The following RTN3 variants were observed in gnomAD, a reference collection of about 807,000 sequenced individuals.
The protein encoded by RTN3 is reticulon-3.
In RTN3, 49 loss-of-function variants were observed where a neutral mutation model predicts 77.8. That is an observed-to-expected ratio of 0.63 (90% confidence interval 0.50 to 0.80). The LOEUF (loss-of-function observed/expected upper bound fraction) is 0.80, where lower values mean the gene tolerates loss of function less well. Ranked by LOEUF, RTN3 falls within the 30% of genes least tolerant of loss-of-function variation. The pLI is 0.00. For missense variants in RTN3, 1,236 were observed against 1,211.9 expected (o/e 1.02, Z -0.29); for synonymous variants, 464 against 446.9 (o/e 1.04, Z -0.48).
chr11:63,720,491 T>G lies in RTN3; in HGVS notation c.1989T>G (p.Asp663Glu). Reference sequence around the variant, plus strand: ...TAGCAGCCTTTACAGAAACCAGAGATAAAGGAATAGTAGATAGTGAAAGAA... The same window carrying G: ...TAGCAGCCTTTACAGAAACCAGAGAGAAAGGAATAGTAGATAGTGAAAGAA... ...DLIAAFTETR[D>E]KGIVDSERNA... Residue 663 changes from aspartate to glutamate, a missense_variant, in exon 3 of 9, where the codon GAT (aspartate) becomes GAG (glutamate). Asp to Glu is a conservative substitution (Grantham distance 45). Around this residue, in one of 3 missense-constraint regions of RTN3, gnomAD observed 1,056 missense variants for 990.4 expected, o/e 1.07. Transcript: ENST00000377819. 6.2e-7 allele frequency: 1 copy of G among 1,613,346 alleles called. No homozygotes were observed. The highest frequency in any genetic ancestry group is 2.2e-5 in the East Asian group (1 of 44,862).
chr11:63,709,106 G>A (rs931645857), intron 2 of RTN3, among the ~76,000 whole-genome samples: 1 of 152,172 alleles, frequency 6.6e-6, no homozygotes, highest in African/African-American at 2.4e-5. Context: ...TGCCAAAGCC[G>A]TGGTCATAAC....
At chr11:63,707,939 G>A (rs1157068746) in intron 2 of RTN3, among the ~76,000 whole-genome samples, 4 of 152,200 alleles carry the variant, frequency 2.6e-5, no homozygotes, top group African/African-American at 7.2e-5. Flanking sequence ...ACACATGATG[G>A]AAAAGTAGCC....
At chr11:63,699,317 AAAG>A (rs955284457) in intron 1 of RTN3, among the ~76,000 whole-genome samples, 1 of 152,052 alleles carries the variant, frequency 6.6e-6, no homozygotes, top group African/African-American at 2.4e-5. Context: ...AAAAAAAAAA[AAAG>A]AATTCCTTCT....
Position 63,750,157 on chromosome 11 carries a change from C to T in RTN3, c.2697C>T (p.Val899=), listed in dbSNP as rs1054753878. The change falls in exon 4 of 9, where the codon GTC becomes GTT. Residue 899 remains valine (V), a synonymous_variant. Transcript: ENST00000377819. ...VTISFRIYKS[V]IQAVQKSEEG... ...TCAGCTTCAGGATCTACAAGTCCGTCATCCAAGCTGTACAGAAGTCAGAAG... is the reference window on the plus strand; with the variant it reads ...TCAGCTTCAGGATCTACAAGTCCGTTATCCAAGCTGTACAGAAGTCAGAAG... The T allele has an allele frequency of 1.2e-6, 2 of 1,612,678 alleles. No homozygotes were observed. Among genetic ancestry groups the T allele is most frequent in the African/African-American group, 2.7e-5 (2 of 74,912 alleles).
At chr11:63,682,321 T>A (rs1941103358) in intron 1 of RTN3, among the ~76,000 whole-genome samples, 1 of 151,902 alleles carries the variant, frequency 6.6e-6, no homozygotes, top group Non-Finnish European at 1.5e-5. Flanking sequence ...CATTGTAGCC[T>A]GTTTTTTTTG....
intron 3 of RTN3, among the ~76,000 whole-genome samples, chr11:63,738,413 G>T (rs1489186375): frequency 6.6e-6 from 1 of 151,984 alleles, no homozygotes; most frequent in Non-Finnish European, 1.5e-5. Context: ...GCCAAGGAGG[G>T]CAGATTGCTT....
At position 63,720,812 on chromosome 11, in the gene RTN3, TGAA is replaced by T; in HGVS notation, c.2315_2317del (p.Glu772del). On this transcript the variant is annotated inframe_deletion, in exon 3 of 9. Transcript: ENST00000377819. ...CACAGCGTGACGCAGAATTGCCTTC[TGAA>T]GAAGTACTGAAGCAAACTTTCACAT... 6.2e-7 allele frequency: 1 copy of T among 1,614,064 alleles called. No individual in the cohort carries two copies. Among genetic ancestry groups the T allele is most frequent in the Non-Finnish European group, 8.5e-7 (1 of 1,180,032 alleles).
intron 2 of RTN3, among the ~76,000 whole-genome samples, chr11:63,713,681 TA>T (rs2011232696): frequency 6.6e-6 from 1 of 152,200 alleles, no homozygotes; most frequent in Non-Finnish European, 1.5e-5. Flanking sequence ...ACCATGTTTT[TA>T]AGTGATTAGA....
chr11:63,701,441 C>A (rs1386397968), intron 1 of RTN3, among the ~76,000 whole-genome samples: 1 of 152,094 alleles, frequency 6.6e-6, no homozygotes, highest in African/African-American at 2.4e-5. Flanking sequence ...TTTAAATCAT[C>A]TACATAAAGT....
intron 1 of RTN3, among the ~76,000 whole-genome samples, chr11:63,698,362 GCCATCC>G (rs1942071101): frequency 1.3e-5 from 2 of 152,272 alleles, no homozygotes; most frequent in East Asian, 3.9e-4. Context: ...CTGAGGTCAA[GCCATCC>G]ACCTGCTTTG....
chr11:63,685,421 A>T (rs142460342), intron 1 of RTN3, among the ~76,000 whole-genome samples: 34 of 147,056 alleles, frequency 2.3e-4, no homozygotes, highest in African/African-American at 8.3e-4. Flanking sequence ...ACTTGAACCC[A>T]GGAGGCGGGA....
intron 3 of RTN3, among the ~76,000 whole-genome samples, chr11:63,737,217 C>A (rs2013183839): frequency 6.6e-6 from 1 of 152,188 alleles, no homozygotes; most frequent in Non-Finnish European, 1.5e-5. Flanking sequence ...AACATAAAAA[C>A]TAAAACCAAA....
At chr11:63,744,593 A>G (rs2135025293) in intron 3 of RTN3, among the ~76,000 whole-genome samples, 1 of 152,308 alleles carries the variant, frequency 6.6e-6, no homozygotes, top group Middle Eastern at 3.4e-3. Context: ...TTCTAATCTT[A>G]TGGGACTACA....
At chr11:63,690,421 A>G (rs1941594084) in intron 1 of RTN3, among the ~76,000 whole-genome samples, 1 of 152,188 alleles carries the variant, frequency 6.6e-6, no homozygotes, top group African/African-American at 2.4e-5. Context: ...TGTGGAAGAC[A>G]GAAAGGTAAA....
intron 1 of RTN3, among the ~76,000 whole-genome samples, chr11:63,699,037 G>A (rs61928205): frequency 0.11 from 16,025 of 152,098 alleles, 990 homozygotes; most frequent in South Asian, 0.16. Context: ...CCTGTAATCC[G>A]AACACTTTGG....
intron 1 of RTN3, among the ~76,000 whole-genome samples, chr11:63,702,297 GT>G (rs953090587): frequency 4.0e-5 from 6 of 149,548 alleles, no homozygotes; most frequent in African/African-American, 1.5e-4. Context: ...TTTGGTTTTG[GT>G]TTTTTTTGTT....
chr11:63,750,387 C>G lies in RTN3; in HGVS notation c.2738+189C>G, dbSNP rs1354558520. ...AAGTGGCCAAGTTAGAAGCCAAGAACTTTTTGACAAATTAGAGGCTCATAC... is the reference window on the plus strand; with the variant it reads ...AAGTGGCCAAGTTAGAAGCCAAGAAGTTTTTGACAAATTAGAGGCTCATAC... On this transcript the variant is annotated intron_variant, in intron 4 of 8. Transcript: ENST00000377819. The G allele has an allele frequency of 8.8e-6, 5 of 567,870 alleles. No homozygotes were observed. In the Admixed American group the frequency reaches 1.6e-4, roughly 18 times the overall value. The allele number at this position is 567,870 out of a possible 1,614,324, so 35.2% of individuals were successfully genotyped here. A position where few individuals can be genotyped will look rare whatever the true frequency, so the allele number is the denominator to read the frequency against.
At chr11:63,749,241 T>G (rs1402283404) in intron 3 of RTN3, among the ~76,000 whole-genome samples, 2 of 152,168 alleles carry the variant, frequency 1.3e-5, no homozygotes, top group African/African-American at 2.4e-5. Context: ...ATAGTGCCAC[T>G]GCTCTCCAGC....
intron 1 of RTN3, among the ~76,000 whole-genome samples, chr11:63,700,694 C>G (rs112552249): frequency 0.011 from 1,596 of 151,978 alleles, 29 homozygotes; most frequent in African/African-American, 0.035. Context: ...ACTGCCCTCT[C>G]CTAGGCTCAA....
Sources: gnomAD v4.1 joint callset for allele counts (sites outside exome capture counted in the v4.1 genomes callset) on GRCh38, gnomAD v4.1.1 for gene constraint, gnomAD v4.1.1 regional missense constraint, MANE v1.5 for transcripts, NCBI Gene and HGNC (gene_info 2026-07-23, HGNC 2026-07-21) for gene names.